Variants in LHCGR observed in about 807,000 individuals in gnomAD.
The protein encoded by LHCGR is lutropin-choriogonadotropic hormone receptor.
A neutral mutation model predicts 60.7 loss-of-function variants in LHCGR; 55 were observed. That is an observed-to-expected ratio of 0.91 (90% CI 0.73 to 1.13). The LOEUF (loss-of-function observed/expected upper bound fraction) is 1.13. Among genes scored for constraint, LHCGR ranks in the 50% most tolerant of loss-of-function variants. The pLI is 0.00. For missense variants in LHCGR, 862 were observed against 836.0 expected, an observed-to-expected ratio of 1.03 and a Z score of -0.38; for synonymous variants, 337 against 316.5, an observed-to-expected ratio of 1.06 and a Z score of -0.69.
At chr2:48,690,625 C>T (rs1333514839) in intron 10 of LHCGR, among the ~76,000 whole-genome samples, 6 of 152,164 alleles carry the variant, frequency 3.9e-5, no homozygotes, top group African/African-American at 9.7e-5. Context: ...TGTCTTTGTA[C>T]GTACTTCTGC....
chr2:48,751,308 T>A (rs1340154161), intron 1 of LHCGR, among the ~76,000 whole-genome samples: 2 of 152,232 alleles, frequency 1.3e-5, no homozygotes, highest in African/African-American at 4.8e-5. Context: ...AATAACTTTA[T>A]GTCTTCTCTT....
chr2:48,747,946 C>T (rs1343212941), intron 1 of LHCGR, among the ~76,000 whole-genome samples: 1 of 152,082 alleles, frequency 6.6e-6, no homozygotes, highest in Non-Finnish European at 1.5e-5. Flanking sequence ...AATAGCGATT[C>T]CTCAGTGGTC....
At chr2:48,709,709 G>A (rs1667883472) in intron 7 of LHCGR, among the ~76,000 whole-genome samples, 1 of 151,456 alleles carries the variant, frequency 6.6e-6, no homozygotes. Flanking sequence ...TGTTATGGAA[G>A]TAGCTCCCTG....
intron 7 of LHCGR, among the ~76,000 whole-genome samples, chr2:48,711,827 C>T (rs1186875436): frequency 2.0e-5 from 3 of 152,168 alleles, no homozygotes; most frequent in Non-Finnish European, 4.4e-5. Context: ...TCTAGCCCTG[C>T]CCTACCCCTT....
At chr2:48,730,384 GA>G (rs1226415083) in intron 2 of LHCGR, among the ~76,000 whole-genome samples, 3 of 152,144 alleles carry the variant, frequency 2.0e-5, no homozygotes, top group African/African-American at 4.8e-5. Context: ...AACCTGCAGG[GA>G]ATTTCCTATA....
At chr2:48,701,056 A>G (rs1397251666) in intron 8 of LHCGR, among the ~76,000 whole-genome samples, 1 of 152,140 alleles carries the variant, frequency 6.6e-6, no homozygotes, top group Non-Finnish European at 1.5e-5. Flanking sequence ...TCAGGGCTCA[A>G]CAGTGGCAGG....
intron 8 of LHCGR, among the ~76,000 whole-genome samples, chr2:48,704,941 G>A (rs1021768258): frequency 2.6e-5 from 4 of 152,096 alleles, no homozygotes; most frequent in Admixed American, 1.3e-4. Flanking sequence ...GCTTTTGAAT[G>A]TGTTTGCTCT....
chr2:48,702,215 A>G (rs909874033), intron 8 of LHCGR, among the ~76,000 whole-genome samples: 5 of 151,154 alleles, frequency 3.3e-5, no homozygotes, highest in Non-Finnish European at 2.9e-5. Flanking sequence ...TGGATGTTTC[A>G]GGCTTTGTCA....
intron 1 of LHCGR, among the ~76,000 whole-genome samples, chr2:48,733,538 T>C (rs890432206): frequency 6.6e-6 from 1 of 152,162 alleles, no homozygotes; most frequent in Admixed American, 6.5e-5. Flanking sequence ...AAGGCAGCAG[T>C]GGGGAGAGTG....
In LHCGR at chr2:48,755,672, GGCC is replaced by G; in HGVS notation, c.-4_-2del. 1 of 1,534,976 alleles carries G rather than the reference GGCC, an allele frequency of 6.5e-7. No individual in the cohort carries two copies. Reference sequence around the variant, plus strand: ...GCAGCGCCGAGAACCGCTGCTTCATGGCCGGCGAACTGGGCTTCTGCGGCTTGC... The same window carrying G: ...GCAGCGCCGAGAACCGCTGCTTCATGGGCGAACTGGGCTTCTGCGGCTTGC... On this transcript the variant is annotated 5_prime_UTR_variant, in exon 1 of 11. Coordinates refer to ENST00000294954, the MANE Select transcript of LHCGR (RefSeq NM_000233.4).
intron 1 of LHCGR, among the ~76,000 whole-genome samples, chr2:48,737,747 AAC>A (rs1669264021): frequency 1.3e-5 from 2 of 152,220 alleles, no homozygotes; most frequent in Admixed American, 6.5e-5. Context: ...AAAACTTTGG[AAC>A]AGTCTTTAAA....
At chr2:48,742,308 C>G (rs1223069973) in intron 1 of LHCGR, among the ~76,000 whole-genome samples, 1 of 152,012 alleles carries the variant, frequency 6.6e-6, no homozygotes, top group Admixed American at 6.6e-5. Flanking sequence ...GCAAGGATGC[C>G]CAGGAATTGA....
intron 6 of LHCGR, among the ~76,000 whole-genome samples, chr2:48,715,045 C>T (rs1390328622): frequency 5.9e-5 from 9 of 152,118 alleles, no homozygotes; most frequent in South Asian, 2.1e-4. Context: ...TACCCATCCT[C>T]TTCCTGCAGG....
At chr2:48,753,449 C>A (rs1393307924) in intron 1 of LHCGR, among the ~76,000 whole-genome samples, 1 of 152,100 alleles carries the variant, frequency 6.6e-6, no homozygotes, top group Admixed American at 6.5e-5. Flanking sequence ...GGAAATGAAA[C>A]CTTGTGAGGG....
chr2:48,751,898 A>G (rs1430816986), intron 1 of LHCGR, among the ~76,000 whole-genome samples: 2 of 152,240 alleles, frequency 1.3e-5, no homozygotes, highest in African/African-American at 2.4e-5. Flanking sequence ...AATTATTATT[A>G]GCATTTTCTT....
At chr2:48,709,060 C>G (rs1353561265) in intron 7 of LHCGR, 38 bp from the exon 8 acceptor site, 1 of 1,523,392 alleles carries the variant, frequency 6.6e-7, no homozygotes, top group South Asian at 1.1e-5. Flanking sequence ...GAGTTTGTAC[C>G]TCATGTGTAA....
chr2:48,717,605 C>G (rs4293599), intron 6 of LHCGR, among the ~76,000 whole-genome samples: 121,314 of 151,656 alleles, frequency 0.8, 48,890 homozygotes, highest in African/African-American at 0.88. Flanking sequence ...CAGAGGTAAA[C>G]GATCTCCCTT....
At chr2:48,744,910 C>T (rs1215096340) in intron 1 of LHCGR, among the ~76,000 whole-genome samples, 2 of 152,050 alleles carry the variant, frequency 1.3e-5, no homozygotes, top group Non-Finnish European at 2.9e-5. Flanking sequence ...GAACAGGCAA[C>T]CTACAAAATG....
At chr2:48,746,154 G>T (rs1381682375) in intron 1 of LHCGR, among the ~76,000 whole-genome samples, 1 of 152,208 alleles carries the variant, frequency 6.6e-6, no homozygotes, top group Non-Finnish European at 1.5e-5. Flanking sequence ...TACTGTGAAA[G>T]ATTTAGGCCA....
Sources: gnomAD v4.1 joint callset for allele counts (sites outside exome capture counted in the v4.1 genomes callset) on GRCh38, gnomAD v4.1.1 for gene constraint, MANE v1.5 for transcripts, NCBI Gene and HGNC (gene_info 2026-07-23, HGNC 2026-07-21) for gene names.